XPO5: variants seen among roughly 807,000 people sequenced by gnomAD.
XPO5 encodes exportin 5.
Under a neutral mutation model 160.6 loss-of-function variants are expected in XPO5, and 46 were observed. The ratio of observed to expected loss-of-function variants is 0.29; its 90% CI spans 0.23 to 0.37. The LOEUF is 0.37. Ranked by LOEUF, XPO5 falls within the 10% of genes least tolerant of loss-of-function variation. The pLI, the probability that XPO5 is intolerant of heterozygous loss-of-function variation, is 1.00. For missense variants in XPO5, 1,090 were observed against 1,463.9 expected (o/e 0.74, Z 4.17); for synonymous variants, 537 against 519.3 (o/e 1.03, Z -0.46).
At chr6:43,549,844 C>A in intron 16 of XPO5, 49 bp downstream of exon 16, 1 of 1,541,264 alleles carries the variant, frequency 6.5e-7, no homozygotes, top group Non-Finnish European at 8.9e-7. Flanking sequence ...GGTATTCATA[C>A]ATTTGTACTC....
At chr6:43,525,297 G>T (rs1793500684) in intron 28 of XPO5, 83 bp from the exon 29 acceptor site, 19 of 1,076,060 alleles carry the variant, frequency 1.8e-5, no homozygotes, top group Admixed American at 1.2e-4. Flanking sequence ...GAGCCGGAGG[G>T]TTTTTTTTTT....
intron 20 of XPO5, among the ~76,000 whole-genome samples, chr6:43,535,706 C>A (rs747048303): frequency 6.7e-6 from 1 of 150,172 alleles, no homozygotes. Flanking sequence ...CCCAGCTACT[C>A]GGAAGGCTGA....
intron 20 of XPO5, 126 bp from the exon 21 acceptor site, chr6:43,534,133 G>A (rs1036019995): frequency 3.3e-6 from 2 of 601,840 alleles, no homozygotes; most frequent in African/African-American, 3.8e-5. Flanking sequence ...GCAGGGGAAA[G>A]AAAAGAAGGT....
rs760108828 is a variant in XPO5, at chr6:43,524,666, G to T, written c.3313-31C>A. The T allele has an allele frequency of 2.5e-6, 4 of 1,606,982 alleles. No homozygotes were observed. In the African/African-American group the frequency reaches 4.0e-5, roughly 16 times the overall value. On this transcript the variant is annotated intron_variant, in intron 30 of 31. Transcript: ENST00000265351. ...ATCAGCAGGGATAAACTTACTGGATGTAGGTTTGGATATTGCCACCCTCCC... is the reference window on the plus strand; with the variant it reads ...ATCAGCAGGGATAAACTTACTGGATTTAGGTTTGGATATTGCCACCCTCCC...
intron 20 of XPO5, among the ~76,000 whole-genome samples, chr6:43,543,516 G>A (rs577009658): frequency 6.6e-5 from 10 of 152,106 alleles, no homozygotes; most frequent in South Asian, 2.1e-4. Flanking sequence ...ATCTTTGAGG[G>A]GCAGGTAATT....
chr6:43,539,684 G>A (rs1029216516), intron 20 of XPO5: 2 of 860,520 alleles, frequency 2.3e-6, no homozygotes, highest in African/African-American at 1.7e-5. Context: ...CCCCCCCACT[G>A]CACCGGCGTC....
intron 19 of XPO5, chr6:43,547,217 G>C: frequency 2.7e-6 from 1 of 366,054 alleles, no homozygotes; most frequent in South Asian, 2.3e-5. Context: ...CAGGAACAAT[G>C]CTTATTTAAA....
At position 43,549,546 on chromosome 6, in the gene XPO5, C is replaced by T; in HGVS notation, c.1803G>A (p.Arg601=). The T allele has an allele frequency of 6.2e-7, 1 of 1,613,326 alleles. No homozygotes were observed. The highest frequency in any genetic ancestry group is 1.7e-5 in the Admixed American group (1 of 59,916). The change falls in exon 17 of 32, where the codon AGG becomes AGA. Residue 601 remains arginine (R), a synonymous_variant. Transcript: ENST00000265351. ...TGATGATGGAGGAACAAGCATGCCT[C>T]CTCACATTCCTCACTGCCCGGGTTC... The part of the protein sequence containing the change: ...APRTRAVRNV[R]RHACSSIIKM...
chr6:43,534,521 A>C (rs1469678941), intron 20 of XPO5, among the ~76,000 whole-genome samples: 1 of 152,216 alleles, frequency 6.6e-6, no homozygotes, highest in African/African-American at 2.4e-5. Context: ...CTACCTGAGC[A>C]ATTATAGGCT....
chr6:43,560,047 G>A lies in XPO5; in HGVS notation c.1221+131C>T, dbSNP rs1762331594. Reference sequence around the variant, plus strand: ...TCGCACAGGCTGGTCTCCAACTCCTGGGCTCAAGCGATCCTCCCGCCTCAG... The same window carrying A: ...TCGCACAGGCTGGTCTCCAACTCCTAGGCTCAAGCGATCCTCCCGCCTCAG... On this transcript the variant is annotated intron_variant, in intron 11 of 31. Transcript: ENST00000265351. The A allele has an allele frequency of 6.0e-6, 7 of 1,162,328 alleles. No homozygotes were observed. In the South Asian group the frequency reaches 1.0e-4, roughly 17 times the overall value. The allele number at this position is 1,162,328 out of a possible 1,614,324, so 72.0% of individuals were successfully genotyped here. A position where few individuals can be genotyped will look rare whatever the true frequency, so the allele number is the denominator to read the frequency against.
chr6:43,538,082 CAAAA>C (rs1217531011), intron 20 of XPO5, among the ~76,000 whole-genome samples: 365 of 36,128 alleles, frequency 0.01, 3 homozygotes, highest in African/African-American at 0.027. Context: ...AAGATGGTCT[CAAAA>C]AAAAAAAAAA....
At position 43,535,813 on chromosome 6, in the gene XPO5, C is replaced by CAA. The variant is rs60341205; in HGVS notation, c.2343-1808_2343-1807dup. 7.0e-3 allele frequency among the ~76,000 whole-genome samples: 500 copies of CAA among 71,790 alleles called. 11 individuals carry two copies. Among genetic ancestry groups the CAA allele is most frequent in the African/African-American group, 0.021 (446 of 20,816 alleles). The allele number at this position is 71,790 out of a possible 152,430, so 47.1% of individuals were successfully genotyped here. On this transcript the variant is annotated intron_variant, in intron 20 of 31. Transcript: ENST00000265351. ...TGTGTGACAGAGCGAGACTCCATCT[C>CAA]AAAAAAAAAAAAAAAAAAGTCATTC...
At chr6:43,572,811 G>A (rs1208225630) in intron 2 of XPO5, among the ~76,000 whole-genome samples, 2 of 152,162 alleles carry the variant, frequency 1.3e-5, no homozygotes, top group South Asian at 2.1e-4. Context: ...ACTGGAATCC[G>A]CACAAGATTT....
intron 20 of XPO5, among the ~76,000 whole-genome samples, chr6:43,534,779 C>T (rs1794214367): frequency 6.6e-6 from 1 of 152,122 alleles, no homozygotes; most frequent in African/African-American, 2.4e-5. Flanking sequence ...TGGCGAATTA[C>T]CTGAGGTCAG....
At chr6:43,556,523 C>T (rs1188568655) in intron 12 of XPO5, among the ~76,000 whole-genome samples, 1 of 71,968 alleles carries the variant, frequency 1.4e-5, no homozygotes, top group Admixed American at 1.7e-4. Flanking sequence ...GACCATGTCT[C>T]AAAAAAAAAA....
chr6:43,527,812 C>A, intron 25 of XPO5, 81 bp from the exon 26 acceptor site: 2 of 1,452,490 alleles, frequency 1.4e-6, no homozygotes, highest in South Asian at 1.2e-5. Flanking sequence ...ATCAGACTCT[C>A]TCTGACCACT....
Position 43,562,265 on chromosome 6 carries a change from A to G in XPO5, c.993T>C (p.Asn331=). ...RLCQVLCALG[N]QLCALLGADS... is the part of the protein sequence containing the mutation. ...AGCTCACCAGCAATGCACACAGCTGATTGCCCAGCGCACACAACACCTGAC... is the reference window on the plus strand; with the variant it reads ...AGCTCACCAGCAATGCACACAGCTGGTTGCCCAGCGCACACAACACCTGAC... Residue 331 remains asparagine (N), a synonymous_variant, in exon 9 of 32, where the codon AAT becomes AAC. Coordinates refer to ENST00000265351, the MANE Select transcript of XPO5 (RefSeq NM_020750.3). 6.2e-7 allele frequency: 1 copy of G among 1,607,652 alleles called. No homozygotes were observed. Among genetic ancestry groups the G allele is most frequent in the Non-Finnish European group, 8.5e-7 (1 of 1,177,250 alleles).
At chr6:43,559,942 C>A (rs1309462393) in intron 11 of XPO5, among the ~76,000 whole-genome samples, 1 of 152,150 alleles carries the variant, frequency 6.6e-6, no homozygotes, top group Non-Finnish European at 1.5e-5. Flanking sequence ...TAAGCCTCCC[C>A]AGTAGCTGGG....
Position 43,527,702 on chromosome 6 carries a change from G to T in XPO5, c.2852C>A (p.Pro951Gln). Residue 951 changes from proline to glutamine, a missense_variant, in exon 26 of 32, where the codon CCA becomes CAA. Transcript: ENST00000265351. Reference protein sequence around the residue: ...CGEDEAADENPESQEMLEEQL... With the variant: ...CGEDEAADENQESQEMLEEQL... ...CTCCTCCAGCATCTCTTGAGACTCTGGGTTTTCATCTGCAGCCTCATCTTC... is the reference window on the plus strand; with the variant it reads ...CTCCTCCAGCATCTCTTGAGACTCTTGGTTTTCATCTGCAGCCTCATCTTC... The T allele has an allele frequency of 6.2e-7, 1 of 1,613,954 alleles. No homozygotes were observed.
Sources: gnomAD v4.1 joint callset for allele counts (sites outside exome capture counted in the v4.1 genomes callset) on GRCh38, gnomAD v4.1.1 for gene constraint, MANE v1.5 for transcripts, NCBI Gene and HGNC (gene_info 2026-07-23, HGNC 2026-07-21) for gene names.